TOX2: variants seen among roughly 807,000 people sequenced by gnomAD.
The protein encoded by TOX2 is TOX high mobility group box family member 2.
TOX2 carries 15 observed loss-of-function variants against 47.4 expected under a neutral mutation model. That is an observed-to-expected ratio of 0.32 (90% CI 0.21 to 0.49). The LOEUF is 0.49. TOX2 is among the 20% of genes least tolerant of loss of function. The pLI, the probability that TOX2 is intolerant of heterozygous loss-of-function variation, is 0.99. For synonymous variants in TOX2, 290 were observed against 296.6 expected, an observed-to-expected ratio of 0.98 and a Z score of 0.23; for missense variants, 622 against 673.1, an observed-to-expected ratio of 0.92 and a Z score of 0.84.
At chr20:44,011,518 T>G (rs2070778108) in intron 3 of TOX2, among the ~76,000 whole-genome samples, 2 of 152,324 alleles carry the variant, frequency 1.3e-5, no homozygotes, top group South Asian at 2.1e-4. Context: ...GTAGATTCTA[T>G]AAGTACTTTG....
At chr20:43,934,798 T>TTGTGTGTGTGTGTGTGTGTGTGTGTG (rs148972789) in intron 1 of TOX2, among the ~76,000 whole-genome samples, 1 of 147,748 alleles carries the variant, frequency 6.8e-6, no homozygotes, top group Non-Finnish European at 1.5e-5. Context: ...GTGTGTGTGT[T>TTGTGTGTGTGTGTGTGTGTGTGTGTG]TGTGTGTGTG....
chr20:44,068,848 C>T lies in TOX2; in HGVS notation c.*162C>T. On this transcript the variant is annotated 3_prime_UTR_variant, in exon 9 of 9. Coordinates refer to ENST00000341197, the MANE Select transcript of TOX2 (RefSeq NM_001098797.2). ...CTGAGTCTCTTCCTCAACCTCCCAC[C>T]AGACTCTGCAGAGGCAGCCCACTGC... 1 of 957,120 alleles carries T rather than the reference C, an allele frequency of 1.0e-6. No individual in the cohort carries two copies. Among genetic ancestry groups the T allele is most frequent in the Non-Finnish European group, 1.6e-6 (1 of 606,116 alleles). 59.3% of individuals were successfully genotyped at this position (957,120 alleles called of 1,614,324 possible).
intron 4 of TOX2, among the ~76,000 whole-genome samples, chr20:44,052,198 AC>A: frequency 6.6e-6 from 1 of 152,314 alleles, no homozygotes; most frequent in Non-Finnish European, 1.5e-5. Flanking sequence ...CATTCCCCCA[AC>A]ATTCCTGGAG....
chr20:44,005,204 CT>C (rs1172111310), intron 2 of TOX2, among the ~76,000 whole-genome samples: 2 of 152,220 alleles, frequency 1.3e-5, no homozygotes, highest in Admixed American at 6.5e-5. Flanking sequence ...CAGTTCTCCC[CT>C]GACCTATTAT....
At chr20:43,981,901 C>T (rs1477162382) in intron 2 of TOX2, among the ~76,000 whole-genome samples, 1 of 149,960 alleles carries the variant, frequency 6.7e-6, no homozygotes, top group African/African-American at 2.5e-5. Context: ...CAGGGCCGAG[C>T]TCAATGAGAT....
intron 3 of TOX2, among the ~76,000 whole-genome samples, chr20:44,011,506 G>A (rs1483042106): frequency 6.6e-6 from 1 of 152,232 alleles, no homozygotes; most frequent in Non-Finnish European, 1.5e-5. Flanking sequence ...CCCTGATGCA[G>A]AGTAGATTCT....
rs868269017 is a variant in TOX2, at chr20:43,966,772, T to C, written c.100-6595T>C. 5.1e-3 allele frequency among the ~76,000 whole-genome samples: 690 copies of C among 135,710 alleles called. 2 individuals are homozygous for C. The highest frequency in any genetic ancestry group is 0.018 in the African/African-American group (657 of 36,164). The allele number at this position is 135,710 out of a possible 152,430, so 89.0% of individuals were successfully genotyped here. On this transcript the variant is annotated intron_variant, in intron 1 of 8. Transcript: ENST00000341197. ...CTGTCTCAAAAAAAAAAAAAAAAAG[T>C]GGGGGCACTGGAGGCTCCCACTATG...
At chr20:43,944,995 T>G (rs2069446389) in intron 1 of TOX2, among the ~76,000 whole-genome samples, 1 of 152,202 alleles carries the variant, frequency 6.6e-6, no homozygotes, top group Non-Finnish European at 1.5e-5. Flanking sequence ...TAATCCTTAG[T>G]GCCCGGGGCC....
chr20:43,954,053 C>T (rs992055132), intron 1 of TOX2, among the ~76,000 whole-genome samples: 1 of 152,186 alleles, frequency 6.6e-6, no homozygotes, highest in Non-Finnish European at 1.5e-5. Context: ...AAGCATGTTA[C>T]TCCCCTGCAA....
chr20:44,060,296 A>G (rs556618334), intron 5 of TOX2, among the ~76,000 whole-genome samples: 9 of 152,344 alleles, frequency 5.9e-5, no homozygotes, highest in African/African-American at 2.2e-4. Flanking sequence ...AGACAGTAAA[A>G]CAACAATAGC....
chr20:43,935,370 A>G (rs1002408745), intron 1 of TOX2, among the ~76,000 whole-genome samples: 11 of 152,208 alleles, frequency 7.2e-5, no homozygotes, highest in Non-Finnish European at 1.6e-4. Flanking sequence ...GATATCAAAC[A>G]TGGAAACTGT....
chr20:43,988,793 A>T (rs1408416769), intron 2 of TOX2, among the ~76,000 whole-genome samples: 3 of 152,206 alleles, frequency 2.0e-5, no homozygotes, highest in Admixed American at 6.5e-5. Context: ...GTGTAGGCAC[A>T]TACAGGGATA....
At chr20:43,937,665 C>T (rs1222732688) in intron 1 of TOX2, among the ~76,000 whole-genome samples, 1 of 152,070 alleles carries the variant, frequency 6.6e-6, no homozygotes, top group Non-Finnish European at 1.5e-5. Flanking sequence ...CAGCCACACC[C>T]CAGGTCTCCA....
intron 1 of TOX2, among the ~76,000 whole-genome samples, chr20:43,966,148 T>C (rs1200529394): frequency 6.6e-6 from 1 of 152,190 alleles, no homozygotes; most frequent in Non-Finnish European, 1.5e-5. Context: ...GTAGCTGTCA[T>C]AATTGTTGTT....
intron 5 of TOX2, among the ~76,000 whole-genome samples, chr20:44,056,754 A>AAGTT (rs1429760229): frequency 2.0e-5 from 3 of 152,160 alleles, no homozygotes; most frequent in African/African-American, 7.2e-5. Context: ...TGAGTATAAA[A>AAGTT]AGTTAGGAAT....
chr20:43,974,619 T>G (rs1488610839), intron 2 of TOX2, among the ~76,000 whole-genome samples: 2 of 152,216 alleles, frequency 1.3e-5, no homozygotes, highest in Admixed American at 6.5e-5. Context: ...GGGTGGCCCC[T>G]CAGCCATCAG....
In TOX2 at chr20:43,915,414, C is replaced by T. The variant is rs955236138; in HGVS notation, c.99+424C>T. 2.0e-5 allele frequency among the ~76,000 whole-genome samples: 3 copies of T among 152,192 alleles called. No individual in the cohort carries two copies. Among genetic ancestry groups the T allele is most frequent in the African/African-American group, 7.2e-5 (3 of 41,450 alleles). ...ACAGACGAGTCACCCACAGACGCTC[C>T]GATGCCCCACACACCGTGACATGCC... On this transcript the variant is annotated intron_variant, in intron 1 of 8. Coordinates refer to ENST00000341197, the MANE Select transcript of TOX2 (RefSeq NM_001098797.2). This position sits in a 1 kb window ranked among gnomAD's most constrained non-coding sequence, Gnocchi z 7.1.
chr20:43,930,377 A>G (rs2069237132), intron 1 of TOX2, among the ~76,000 whole-genome samples: 1 of 152,242 alleles, frequency 6.6e-6, no homozygotes, highest in Non-Finnish European at 1.5e-5. Flanking sequence ...TGTGAATTCT[A>G]TAATTCTCCT....
chr20:44,016,909 A>G (rs1569099222), intron 3 of TOX2, among the ~76,000 whole-genome samples: 1 of 152,252 alleles, frequency 6.6e-6, no homozygotes. Flanking sequence ...TTTTAACGAA[A>G]TATTTTGAAA....
Sources: allele counts gnomAD v4.1 joint callset (sites outside exome capture counted in the v4.1 genomes callset), GRCh38; gene constraint gnomAD v4.1.1; non-coding constraint Gnocchi (gnomAD v3.1); transcripts MANE v1.5; gene names NCBI Gene and HGNC (gene_info 2026-07-23, HGNC 2026-07-21).